The following DGKB variants were observed in gnomAD, a reference collection of about 807,000 sequenced individuals.
DGKB encodes 90 kDa diacylglycerol kinase.
DGKB carries 67 observed loss-of-function variants against 114.3 expected under a neutral mutation model. The observed-to-expected ratio is 0.59, with a 90% confidence interval of 0.48 to 0.72. DGKB has a LOEUF of 0.72. Among genes scored for constraint, DGKB ranks in the 30% least tolerant of loss-of-function variants. DGKB has a pLI of 0.00. For missense variants in DGKB, 907 were observed against 975.2 expected (o/e 0.93, Z 0.93); for synonymous variants, 398 against 323.1 (o/e 1.23, Z -2.49).
intron 23 of DGKB, among the ~76,000 whole-genome samples, chr7:14,194,962 A>C (rs1440701143): frequency 6.6e-6 from 1 of 152,282 alleles, no homozygotes; most frequent in South Asian, 2.1e-4. Flanking sequence ...TTGAAAAGTC[A>C]TCTACACCAC....
intron 8 of DGKB, among the ~76,000 whole-genome samples, chr7:14,695,328 T>TA (rs1445933160): frequency 6.6e-6 from 1 of 152,022 alleles, no homozygotes; most frequent in Admixed American, 6.6e-5. Context: ...AATCTCATGT[T>TA]AAAGCCATCC....
chr7:14,225,745 G>A (rs1269684552), intron 23 of DGKB, among the ~76,000 whole-genome samples: 1 of 151,854 alleles, frequency 6.6e-6, no homozygotes, highest in East Asian at 1.9e-4. Flanking sequence ...ATAACAATTA[G>A]TGGATTAATT....
chr7:14,162,151 A>ATAGT (rs1159361213), intron 25 of DGKB, among the ~76,000 whole-genome samples: 1 of 152,196 alleles, frequency 6.6e-6, no homozygotes, highest in Non-Finnish European at 1.5e-5. Context: ...CAGAAAATTA[A>ATAGT]TAGTTAGAAA....
At chr7:14,544,582 A>C (rs975316564) in intron 20 of DGKB, among the ~76,000 whole-genome samples, 1 of 152,202 alleles carries the variant, frequency 6.6e-6, no homozygotes, top group Non-Finnish European at 1.5e-5. Flanking sequence ...AGGGTTTCTA[A>C]CATTGCTGAT....
intron 23 of DGKB, among the ~76,000 whole-genome samples, chr7:14,211,289 A>ATGTTTTGTGATTTTACTCTCATGTTT (rs1562626908): frequency 0.012 from 1,313 of 107,058 alleles, 182 homozygotes; most frequent in African/African-American, 0.024. Context: ...AGCCTCTACT[A>ATGTTTTGTGATTTTACTCTCATGTTT]TGTGATATTT....
chr7:14,805,120 C>T (rs1842638437), intron 2 of DGKB, among the ~76,000 whole-genome samples: 1 of 152,012 alleles, frequency 6.6e-6, no homozygotes, highest in Non-Finnish European at 1.5e-5. Flanking sequence ...TTTTAGTTGT[C>T]TCCATTCAAT....
intron 25 of DGKB, among the ~76,000 whole-genome samples, chr7:14,162,983 T>C (rs1784121957): frequency 6.6e-6 from 1 of 152,196 alleles, no homozygotes; most frequent in Non-Finnish European, 1.5e-5. Flanking sequence ...ATGACAGAGC[T>C]GCAAAATTAA....
At chr7:14,747,775 G>GCGCGCGCACA in intron 4 of DGKB, among the ~76,000 whole-genome samples, 39 of 149,278 alleles carry the variant, frequency 2.6e-4, no homozygotes, top group African/African-American at 9.8e-4. Context: ...ACATCCACGC[G>GCGCGCGCACA]CACGCACACA....
intron 20 of DGKB, among the ~76,000 whole-genome samples, chr7:14,497,101 C>A (rs540316863): frequency 1.3e-5 from 2 of 151,748 alleles, no homozygotes; most frequent in East Asian, 1.9e-4. Flanking sequence ...AAACCAAATA[C>A]GCATGTTCTT....
intron 2 of DGKB, among the ~76,000 whole-genome samples, chr7:14,816,954 T>G (rs551423691): frequency 6.6e-6 from 1 of 152,346 alleles, no homozygotes; most frequent in African/African-American, 2.4e-5. Flanking sequence ...AACACAGTTT[T>G]CTGTATGTAA....
intron 2 of DGKB, among the ~76,000 whole-genome samples, chr7:14,772,741 C>T (rs1257876211): frequency 6.6e-6 from 1 of 152,090 alleles, no homozygotes; most frequent in African/African-American, 2.4e-5. Flanking sequence ...ATGGCATCAG[C>T]TGATAGTTGA....
At position 14,537,601 on chromosome 7, in the gene DGKB, A is replaced by G. The variant is rs111808643; in HGVS notation, c.1770+36611T>C. ...TATCCCCCTCCAAAAGAATGAAATC[A>G]GACACTTATCCCATAGACAAAAATT... On this transcript the variant is annotated intron_variant, in intron 20 of 25. Coordinates refer to ENST00000402815, the MANE Select transcript of DGKB (RefSeq NM_001350709.2). Among the ~76,000 whole-genome samples, 1,094 of 152,314 alleles carry G rather than the reference A, an allele frequency of 7.2e-3. 12 individuals are homozygous for G. Among genetic ancestry groups the G allele is most frequent in the African/African-American group, 0.025 (1,025 of 41,566 alleles).
At position 14,498,846 on chromosome 7, in the gene DGKB, A is replaced by T. The variant is rs557821116; in HGVS notation, c.1771-20621T>A. Among the ~76,000 whole-genome samples the T allele has an allele frequency of 3.0e-4, 46 of 151,910 alleles. 1 individual carries two copies. The highest frequency in any genetic ancestry group is 5.5e-4 in the Non-Finnish European group (37 of 67,794). The stretch of plus-strand genomic sequence containing the variant: ...TGCGGTAAGTTTACCAATTGCTCAC[A>T]TAAGGGAAATAGATTATATTTGGTA... On this transcript the variant is annotated intron_variant, in intron 20 of 25. Coordinates refer to ENST00000402815, the MANE Select transcript of DGKB (RefSeq NM_001350709.2).
At chr7:14,670,298 TATAC>T (rs1414626183) in intron 13 of DGKB, among the ~76,000 whole-genome samples, 1 of 151,232 alleles carries the variant, frequency 6.6e-6, no homozygotes, top group African/African-American at 2.4e-5. Context: ...TATATATATA[TATAC>T]ACACACACAT....
rs781254003 is a variant in DGKB at position 14,621,433 on chromosome 7, T to C, written c.1229A>G (p.Asp410Gly). The C allele has an allele frequency of 6.2e-7, 1 of 1,611,492 alleles. No individual in the cohort carries two copies. Among genetic ancestry groups the C allele is most frequent in the South Asian group, 1.1e-5 (1 of 90,626 alleles). ...SGSQQPNKVI[D>G]KNKMQRANSV... The stretch of plus-strand genomic sequence containing the variant: ...GTTGGCTCTTTGCATTTTATTCTTG[T>C]CAATCACTTTGTTTGGCTGCTGGGA... Residue 410 changes from aspartate to glycine, a missense_variant, in exon 15 of 26, where the codon GAC (aspartate) becomes GGC (glycine). Asp to Gly is a moderately conservative substitution (Grantham distance 94). Around this residue, in one of 3 missense-constraint regions of DGKB, gnomAD observed 814 missense variants for 856.6 expected, o/e 0.95. Coordinates refer to ENST00000402815, the MANE Select transcript of DGKB (RefSeq NM_001350709.2).
At chr7:14,642,558 T>C (rs1812019279) in intron 13 of DGKB, among the ~76,000 whole-genome samples, 1 of 152,170 alleles carries the variant, frequency 6.6e-6, no homozygotes, top group African/African-American at 2.4e-5. Context: ...GAAAAATTAA[T>C]CTAAGGTCTC....
chr7:14,694,264 G>A, intron 8 of DGKB, 70 bp from the exon 9 acceptor site: 3 of 1,386,024 alleles, frequency 2.2e-6, no homozygotes, highest in South Asian at 1.3e-5. Flanking sequence ...TACAACATAT[G>A]AAATTGTGAC....
chr7:14,440,696 A>G (rs1829962351), intron 21 of DGKB, among the ~76,000 whole-genome samples: 1 of 152,196 alleles, frequency 6.6e-6, no homozygotes, highest in African/African-American at 2.4e-5. Flanking sequence ...AGTAATGCAA[A>G]TAATGTTTAA....
At chr7:14,491,177 A>G (rs1351468257) in intron 20 of DGKB, among the ~76,000 whole-genome samples, 1 of 151,962 alleles carries the variant, frequency 6.6e-6, no homozygotes, top group East Asian at 1.9e-4. Flanking sequence ...CATAATTCCC[A>G]TGTGTTATGA....
Sources: gnomAD v4.1 joint callset for allele counts (sites outside exome capture counted in the v4.1 genomes callset) on GRCh38, gnomAD v4.1.1 for gene constraint, gnomAD v4.1.1 regional missense constraint, MANE v1.5 for transcripts, NCBI Gene and HGNC (gene_info 2026-07-23, HGNC 2026-07-21) for gene names.